Variants in CFAP61 observed in about 807,000 individuals in gnomAD.
The protein encoded by CFAP61 is cilia and flagella associated protein 61, also known as cilia- and flagella-associated protein 61.
CFAP61 carries 107 observed loss-of-function variants against 135.6 expected under a neutral mutation model. That is an observed-to-expected ratio of 0.79 (90% CI 0.67 to 0.93). The LOEUF is 0.93. CFAP61 is among the 40% of genes least tolerant of loss of function. The pLI is 0.00. For missense variants in CFAP61, 1,507 were observed against 1,556.2 expected (o/e 0.97, Z 0.53); for synonymous variants, 575 against 578.5 (o/e 0.99, Z 0.09).
intron 13 of CFAP61, among the ~76,000 whole-genome samples, chr20:20,182,410 G>A (rs181346912): frequency 2.0e-5 from 3 of 152,224 alleles, no homozygotes; most frequent in African/African-American, 7.2e-5. Flanking sequence ...ATAACAATTG[G>A]TCCGCTTCTA....
intron 17 of CFAP61, among the ~76,000 whole-genome samples, chr20:20,212,255 G>A (rs959483034): frequency 3.9e-5 from 6 of 152,046 alleles, no homozygotes; most frequent in African/African-American, 1.4e-4. Flanking sequence ...CCAGGCCCCT[G>A]AGGACTCAGA....
At chr20:20,267,274 T>A (rs1601721170) in intron 21 of CFAP61, among the ~76,000 whole-genome samples, 1 of 152,134 alleles carries the variant, frequency 6.6e-6, no homozygotes, top group South Asian at 2.1e-4. Flanking sequence ...GCAGAGTCTG[T>A]GAAGGGCAGC....
chr20:20,059,214 A>G (rs2044604432), intron 2 of CFAP61, among the ~76,000 whole-genome samples: 1 of 149,392 alleles, frequency 6.7e-6, no homozygotes, highest in Non-Finnish European at 1.5e-5. Context: ...CTGTAGTCCC[A>G]CTACTCGGGA....
At chr20:20,244,608 C>T (rs551770131) in intron 18 of CFAP61, among the ~76,000 whole-genome samples, 1 of 152,328 alleles carries the variant, frequency 6.6e-6, no homozygotes, top group East Asian at 1.9e-4. Context: ...TCCTGGGCCT[C>T]CAGGCCTATG....
At chr20:20,202,569 A>G (rs1005682442) in intron 17 of CFAP61, among the ~76,000 whole-genome samples, 4 of 152,206 alleles carry the variant, frequency 2.6e-5, no homozygotes, top group African/African-American at 9.7e-5. Flanking sequence ...GACAGTTTTA[A>G]TGTTTTAGAG....
chr20:20,334,939 T>A (rs2058125518), intron 25 of CFAP61, among the ~76,000 whole-genome samples: 1 of 152,212 alleles, frequency 6.6e-6, no homozygotes, highest in Non-Finnish European at 1.5e-5. Flanking sequence ...AACCCAGGAA[T>A]AACTAGAAAT....
At chr20:20,315,975 T>G (rs1366857883) in intron 25 of CFAP61, among the ~76,000 whole-genome samples, 7 of 152,160 alleles carry the variant, frequency 4.6e-5, no homozygotes, top group Non-Finnish European at 8.8e-5. Flanking sequence ...GTAGTGTGAT[T>G]CCTCCAGCTT....
intron 25 of CFAP61, chr20:20,323,307 T>C (rs944143028): frequency 1.3e-5 from 13 of 985,428 alleles, no homozygotes; most frequent in Non-Finnish European, 1.6e-5. Context: ...TTTTCAGGCC[T>C]TCAAAAGAGA....
At chr20:20,196,446 A>G in intron 15 of CFAP61, 124 bp from the exon 16 acceptor site, 1 of 705,706 alleles carries the variant, frequency 1.4e-6, no homozygotes, top group Non-Finnish European at 2.4e-6. Flanking sequence ...GGTGGCAAAT[A>G]TGGAAGAGAA....
chr20:20,083,760 C>A (rs756018202), intron 6 of CFAP61, among the ~76,000 whole-genome samples: 1 of 152,106 alleles, frequency 6.6e-6, no homozygotes, highest in Non-Finnish European at 1.5e-5. Context: ...AAGTGACCAC[C>A]AAGTCTATGG....
chr20:20,091,746 C>T (rs549633296), intron 7 of CFAP61, among the ~76,000 whole-genome samples: 1 of 152,216 alleles, frequency 6.6e-6, no homozygotes, highest in African/African-American at 2.4e-5. Context: ...GTCATGATCT[C>T]GGCTCACTGC....
At chr20:20,181,665 C>T (rs1241423928) in intron 13 of CFAP61, among the ~76,000 whole-genome samples, 1 of 152,132 alleles carries the variant, frequency 6.6e-6, no homozygotes, top group Non-Finnish European at 1.5e-5. Flanking sequence ...GGGAAGCCCT[C>T]CGGAGACCTT....
At chr20:20,339,597 G>GT (rs1329077912) in intron 25 of CFAP61, among the ~76,000 whole-genome samples, 1 of 151,998 alleles carries the variant, frequency 6.6e-6, no homozygotes, top group Non-Finnish European at 1.5e-5. Flanking sequence ...AGCCTCCCTA[G>GT]TAGCTGGGAC....
intron 6 of CFAP61, among the ~76,000 whole-genome samples, chr20:20,089,325 C>G (rs1241393457): frequency 6.6e-6 from 1 of 152,008 alleles, no homozygotes; most frequent in African/African-American, 2.4e-5. Context: ...GGCAGTGCCA[C>G]CCTCCTGGGA....
intron 21 of CFAP61, among the ~76,000 whole-genome samples, chr20:20,275,972 C>T (rs951345269): frequency 6.6e-6 from 1 of 152,180 alleles, no homozygotes; most frequent in Non-Finnish European, 1.5e-5. Context: ...AGCGTCCTAG[C>T]GAGGGCAGGA....
At position 20,288,867 on chromosome 20, in the gene CFAP61, G is replaced by A. The variant is rs1436893599; in HGVS notation, c.3055G>A (p.Glu1019Lys). The change falls in exon 23 of 27, where the codon GAG (glutamate) becomes AAG (lysine). Residue 1019 changes from glutamate (E) to lysine (K), a missense_variant. Physicochemically the swap from Glu to Lys is moderately conservative, Grantham distance 56 (BLOSUM62 1). Coordinates refer to ENST00000245957, the MANE Select transcript of CFAP61 (RefSeq NM_015585.4). ...GCTACATCTCTTTGATCCAACCCTTGAGCCTGTGACCGAGCCACCAGCTAA... is the reference window on the plus strand; with the variant it reads ...GCTACATCTCTTTGATCCAACCCTTAAGCCTGTGACCGAGCCACCAGCTAA... The part of the protein sequence containing the change: ...AMLHLFDPTL[E>K]PVTEPPANLD... 2.6e-5 allele frequency: 42 copies of A among 1,613,806 alleles called. No individual in the cohort carries two copies. Among genetic ancestry groups the A allele is most frequent in the Admixed American group, 6.7e-5 (4 of 59,994 alleles).
At chr20:20,190,269 T>A (rs1474319583) in intron 14 of CFAP61, among the ~76,000 whole-genome samples, 2 of 152,190 alleles carry the variant, frequency 1.3e-5, no homozygotes, top group Non-Finnish European at 2.9e-5. Context: ...GGAATACTAC[T>A]CAGCAGTGAA....
chr20:20,275,065 T>G (rs2053647525), intron 21 of CFAP61, among the ~76,000 whole-genome samples: 1 of 152,102 alleles, frequency 6.6e-6, no homozygotes, highest in Non-Finnish European at 1.5e-5. Context: ...CAATGGGATG[T>G]TAGTGGATAT....
At chr20:20,182,150 ATACTC>A (rs771292567) in intron 13 of CFAP61, among the ~76,000 whole-genome samples, 4 of 152,206 alleles carry the variant, frequency 2.6e-5, no homozygotes, top group African/African-American at 7.2e-5. Flanking sequence ...CCCTCAATGA[ATACTC>A]TAAATCTCTA....
Sources: allele counts gnomAD v4.1 joint callset (sites outside exome capture counted in the v4.1 genomes callset), GRCh38; gene constraint gnomAD v4.1.1; transcripts MANE v1.5; gene names NCBI Gene and HGNC (gene_info 2026-07-23, HGNC 2026-07-21).